The following GRID2 variants were observed in gnomAD, a reference collection of about 807,000 sequenced individuals.
The protein encoded by GRID2 is glutamate receptor ionotropic, delta-2.
In GRID2, 33 loss-of-function variants were observed where a neutral mutation model predicts 114.8. The observed-to-expected ratio is 0.29, with a 90% confidence interval of 0.22 to 0.38. GRID2 has a LOEUF of 0.38. Ranked by LOEUF, GRID2 falls within the 10% of genes least tolerant of loss-of-function variation. The pLI, the probability that GRID2 is intolerant of heterozygous loss-of-function variation, is 1.00. For missense variants in GRID2, 1,184 were observed against 1,257.7 expected, an observed-to-expected ratio of 0.94 and a Z score of 0.89; for synonymous variants, 505 against 449.9, an observed-to-expected ratio of 1.12 and a Z score of -1.55.
intron 11 of GRID2, among the ~76,000 whole-genome samples, chr4:93,474,294 C>A (rs1422848849): frequency 6.6e-6 from 1 of 152,140 alleles, no homozygotes; most frequent in East Asian, 1.9e-4. Context: ...CCTATTACTT[C>A]TCTTACTTGT....
chr4:93,176,374 C>T (rs1429980531), intron 4 of GRID2, among the ~76,000 whole-genome samples: 2 of 152,110 alleles, frequency 1.3e-5, no homozygotes, highest in Non-Finnish European at 2.9e-5. Context: ...AATTGTCTTC[C>T]TTTCATTCTT....
chr4:92,614,189 T>C (rs1298959701), intron 2 of GRID2, among the ~76,000 whole-genome samples: 1 of 151,530 alleles, frequency 6.6e-6, no homozygotes, highest in Non-Finnish European at 1.5e-5. Flanking sequence ...TCCTGCCTCC[T>C]CTCTACACGT....
intron 2 of GRID2, among the ~76,000 whole-genome samples, chr4:92,860,576 C>G (rs1354511339): frequency 6.6e-6 from 1 of 152,056 alleles, no homozygotes; most frequent in Non-Finnish European, 1.5e-5. Flanking sequence ...GCATTTTTCA[C>G]CTTTTCTCTT....
chr4:93,095,733 T>C (rs1731162330), intron 3 of GRID2, among the ~76,000 whole-genome samples: 1 of 152,008 alleles, frequency 6.6e-6, no homozygotes, highest in Non-Finnish European at 1.5e-5. Context: ...TTATGAAACA[T>C]TGACCAAGAG....
At chr4:93,651,600 C>T (rs10516937) in intron 14 of GRID2, among the ~76,000 whole-genome samples, 6,385 of 152,048 alleles carry the variant, frequency 0.042, 440 homozygotes, top group African/African-American at 0.14. Context: ...AGTCACACTA[C>T]GAGTCTAATA....
chr4:93,406,107 T>C (rs544159678), intron 9 of GRID2, among the ~76,000 whole-genome samples: 4 of 152,180 alleles, frequency 2.6e-5, no homozygotes, highest in Non-Finnish European at 4.4e-5. Flanking sequence ...AAAATAAGCA[T>C]TGAATCCTTA....
chr4:92,836,343 G>A lies in GRID2; in HGVS notation c.244+246057G>A, dbSNP rs541393012. Among the ~76,000 whole-genome samples the A allele has an allele frequency of 3.9e-5, 6 of 152,152 alleles. No individual in the cohort carries two copies. In the South Asian group the frequency reaches 1.2e-3, roughly 32 times the overall value. On this transcript the variant is annotated intron_variant, in intron 2 of 15. Coordinates refer to ENST00000282020, the MANE Select transcript of GRID2 (RefSeq NM_001510.4). ...AGCACACATTCCATTAGCCATCAGA[G>A]CTAATGTTCAAAACTCCACTGTATA...
chr4:93,601,662 T>G (rs1739696636), intron 13 of GRID2, among the ~76,000 whole-genome samples: 1 of 152,192 alleles, frequency 6.6e-6, no homozygotes, highest in Admixed American at 6.6e-5. Flanking sequence ...TTACTGGGAT[T>G]AGTCCTGTTT....
intron 2 of GRID2, among the ~76,000 whole-genome samples, chr4:92,652,929 T>TATATATTTATAAATACATATAA (rs1732032166): frequency 2.4e-5 from 3 of 125,964 alleles, no homozygotes; most frequent in Middle Eastern, 3.8e-3. Flanking sequence ...TACATATAAA[T>TATATATTTATAAATACATATAA]ATATATAAAC....
intron 2 of GRID2, among the ~76,000 whole-genome samples, chr4:92,643,071 G>A (rs964212752): frequency 1.3e-5 from 2 of 151,606 alleles, no homozygotes; most frequent in African/African-American, 4.8e-5. Flanking sequence ...GATTGTTTTG[G>A]TTATTTGTGC....
At chr4:92,711,862 CA>C (rs1309998240) in intron 2 of GRID2, among the ~76,000 whole-genome samples, 1 of 152,124 alleles carries the variant, frequency 6.6e-6, no homozygotes, top group African/African-American at 2.4e-5. Flanking sequence ...ATGATCCTGC[CA>C]CTGCATTCCA....
At chr4:92,886,444 A>T (rs1407631363) in intron 2 of GRID2, among the ~76,000 whole-genome samples, 1 of 152,142 alleles carries the variant, frequency 6.6e-6, no homozygotes, top group Non-Finnish European at 1.5e-5. Flanking sequence ...GTTAGTAAAA[A>T]ACACAATAGC....
intron 1 of GRID2, among the ~76,000 whole-genome samples, chr4:92,305,714 C>T (rs901732684): frequency 1.3e-5 from 2 of 152,116 alleles, no homozygotes; most frequent in African/African-American, 4.8e-5. Context: ...CGGGGGGCTG[C>T]GCGTCATTAT....
chr4:93,728,018 C>T (rs1324288071), intron 14 of GRID2, among the ~76,000 whole-genome samples: 2 of 151,984 alleles, frequency 1.3e-5, no homozygotes, highest in Non-Finnish European at 2.9e-5. Flanking sequence ...TATTTCTTGC[C>T]TTCTGCTAGC....
At chr4:92,772,229 A>G (rs1409367889) in intron 2 of GRID2, among the ~76,000 whole-genome samples, 2 of 152,154 alleles carry the variant, frequency 1.3e-5, no homozygotes, top group African/African-American at 2.4e-5. Context: ...AGCCTTTACT[A>G]TGCTGAAAGG....
At chr4:93,401,682 T>G (rs1363669057) in intron 9 of GRID2, among the ~76,000 whole-genome samples, 4 of 152,116 alleles carry the variant, frequency 2.6e-5, no homozygotes, top group Non-Finnish European at 5.9e-5. Flanking sequence ...AAATTAAAAC[T>G]GTTGCCTCAA....
At chr4:92,559,515 AT>A (rs1390669153) in intron 1 of GRID2, among the ~76,000 whole-genome samples, 1 of 152,064 alleles carries the variant, frequency 6.6e-6, no homozygotes. Context: ...AACATTTTGG[AT>A]TTTGGAGTTC....
At chr4:93,411,493 G>T (rs1454202888) in intron 9 of GRID2, among the ~76,000 whole-genome samples, 2 of 150,630 alleles carry the variant, frequency 1.3e-5, no homozygotes, top group Non-Finnish European at 2.9e-5. Context: ...GGAGTGCAAT[G>T]CCGTGGTCCT....
intron 2 of GRID2, among the ~76,000 whole-genome samples, chr4:92,849,987 C>T (rs1465548713): frequency 6.6e-6 from 1 of 151,368 alleles, no homozygotes; most frequent in Non-Finnish European, 1.5e-5. Context: ...GAATTAATCA[C>T]ATGATATGCC....
Sources: gnomAD v4.1 joint callset for allele counts (sites outside exome capture counted in the v4.1 genomes callset) on GRCh38, gnomAD v4.1.1 for gene constraint, MANE v1.5 for transcripts, NCBI Gene and HGNC (gene_info 2026-07-23, HGNC 2026-07-21) for gene names.